DCC: variants seen among roughly 807,000 people sequenced by gnomAD.
DCC encodes the protein DCC netrin 1 receptor.
A neutral mutation model predicts 172.5 loss-of-function variants in DCC; 58 were observed. The observed-to-expected ratio is 0.34, with a 90% CI of 0.27 to 0.42. The LOEUF is 0.42. Among genes scored for constraint, DCC ranks in the 10% least tolerant of loss-of-function variants. The pLI is 1.00. For synonymous variants in DCC, 709 were observed against 644.5 expected, an observed-to-expected ratio of 1.10 and a Z score of -1.52; for missense variants, 1,740 against 1,791.0, an observed-to-expected ratio of 0.97 and a Z score of 0.51.
intron 20 of DCC, among the ~76,000 whole-genome samples, chr18:53,414,501 A>G (rs1176041984): frequency 6.6e-6 from 1 of 152,164 alleles, no homozygotes; most frequent in Admixed American, 6.5e-5. Context: ...GCAGCTTTTT[A>G]CTTTTCAATT....
intron 10 of DCC, among the ~76,000 whole-genome samples, chr18:53,207,277 A>G (rs1179886888): frequency 2.0e-5 from 3 of 152,292 alleles, no homozygotes; most frequent in African/African-American, 4.8e-5. Context: ...AGCTGTGGGT[A>G]TATTTCAGCA....
At chr18:53,342,890 T>C (rs2057678275) in intron 15 of DCC, among the ~76,000 whole-genome samples, 1 of 148,398 alleles carries the variant, frequency 6.7e-6, no homozygotes, top group African/African-American at 2.4e-5. Flanking sequence ...TTATTTTAAA[T>C]AGAACTGTTT....
In DCC at chr18:52,824,102, C is replaced by A. The variant is rs532534550; in HGVS notation, c.412+71728C>A. 9.3e-4 allele frequency among the ~76,000 whole-genome samples: 141 copies of A among 152,272 alleles called. 1 individual carries two copies. Among genetic ancestry groups the A allele is most frequent in the African/African-American group, 3.3e-3 (136 of 41,546 alleles). ...TTGGTATCTTTCCATTTAAAAAGAC[C>A]TCCCTGGTTGACTTGATTTATTCTC... On this transcript the variant is annotated intron_variant, in intron 2 of 28. Transcript: ENST00000442544.
At chr18:52,678,793 C>G (rs975362167) in intron 1 of DCC, among the ~76,000 whole-genome samples, 11 of 152,120 alleles carry the variant, frequency 7.2e-5, no homozygotes, top group African/African-American at 2.7e-4. Context: ...TCATTATCCC[C>G]TTTCTGTTTC....
intron 1 of DCC, among the ~76,000 whole-genome samples, chr18:52,366,625 G>A (rs1984869847): frequency 6.6e-6 from 1 of 151,452 alleles, no homozygotes; most frequent in Non-Finnish European, 1.5e-5. Context: ...GAAACCTTGA[G>A]CTAAACACAG....
At chr18:53,365,332 A>G (rs1309802285) in intron 15 of DCC, among the ~76,000 whole-genome samples, 1 of 151,750 alleles carries the variant, frequency 6.6e-6, no homozygotes, top group Non-Finnish European at 1.5e-5. Flanking sequence ...ATTGTCGGAC[A>G]TTTGGGTTGG....
chr18:52,768,583 C>G (rs991743772), intron 2 of DCC, among the ~76,000 whole-genome samples: 11 of 152,176 alleles, frequency 7.2e-5, no homozygotes, highest in Non-Finnish European at 1.6e-4. Context: ...AGTCCCCTGT[C>G]TGTTTATTTC....
chr18:52,808,456 T>G (rs1273026199), intron 2 of DCC, among the ~76,000 whole-genome samples: 2 of 152,008 alleles, frequency 1.3e-5, no homozygotes, highest in Non-Finnish European at 2.9e-5. Context: ...TATCATAGAT[T>G]GAACTATAAA....
intron 7 of DCC, among the ~76,000 whole-genome samples, chr18:53,068,825 G>A (rs1035130945): frequency 8.7e-5 from 13 of 149,498 alleles, no homozygotes; most frequent in African/African-American, 3.2e-4. Context: ...GTGTTGCTGG[G>A]GACTGATTGC....
intron 1 of DCC, among the ~76,000 whole-genome samples, chr18:52,540,655 G>A (rs1050896302): frequency 2.6e-5 from 3 of 116,626 alleles, no homozygotes; most frequent in African/African-American, 3.3e-5. Context: ...CGCCCAAGCC[G>A]GAGTGCAGTG....
intron 1 of DCC, among the ~76,000 whole-genome samples, chr18:52,375,922 A>G (rs1985326008): frequency 6.6e-6 from 1 of 152,220 alleles, no homozygotes; most frequent in South Asian, 2.1e-4. Flanking sequence ...GACAAATGGT[A>G]AAGACTGGTA....
At chr18:52,819,551 G>A (rs2038365941) in intron 2 of DCC, among the ~76,000 whole-genome samples, 1 of 152,086 alleles carries the variant, frequency 6.6e-6, no homozygotes, top group Non-Finnish European at 1.5e-5. Flanking sequence ...CACTTTGTAT[G>A]GTGCAGTTTA....
chr18:52,901,991 A>G (rs1486256441), intron 2 of DCC, among the ~76,000 whole-genome samples: 1 of 152,214 alleles, frequency 6.6e-6, no homozygotes, highest in African/African-American at 2.4e-5. Flanking sequence ...CGACTAGGAA[A>G]AAGGGAGAGA....
intron 9 of DCC, among the ~76,000 whole-genome samples, chr18:53,195,876 G>C (rs552561668): frequency 6.6e-6 from 1 of 152,254 alleles, no homozygotes; most frequent in Admixed American, 6.5e-5. Flanking sequence ...GATTATATAT[G>C]ATATATTGTT....
intron 2 of DCC, among the ~76,000 whole-genome samples, chr18:52,784,934 G>GGAGA (rs59734988): frequency 0.048 from 6,814 of 141,502 alleles, 250 homozygotes; most frequent in South Asian, 0.17. Flanking sequence ...AGAGAAGGGG[G>GGAGA]GAGAGAGAGA....
chr18:52,371,193 A>G (rs532841895), intron 1 of DCC, among the ~76,000 whole-genome samples: 2 of 152,268 alleles, frequency 1.3e-5, no homozygotes, highest in Non-Finnish European at 2.9e-5. Context: ...ACTTCTTGAA[A>G]CTGGTATTTT....
chr18:53,520,372 G>A (rs1458537308), intron 27 of DCC, among the ~76,000 whole-genome samples: 1 of 152,018 alleles, frequency 6.6e-6, no homozygotes, highest in Non-Finnish European at 1.5e-5. Context: ...GTCCATACCA[G>A]CAGACTGATT....
chr18:52,410,093 C>A (rs1193848439), intron 1 of DCC, among the ~76,000 whole-genome samples: 1 of 152,116 alleles, frequency 6.6e-6, no homozygotes, highest in Non-Finnish European at 1.5e-5. Context: ...GGATACCTGA[C>A]AATGAGTTCT....
intron 9 of DCC, among the ~76,000 whole-genome samples, chr18:53,204,660 A>T (rs773766488): frequency 2.6e-5 from 4 of 152,214 alleles, no homozygotes; most frequent in Non-Finnish European, 4.4e-5. Flanking sequence ...GAGAAAATGT[A>T]ATACTAAAAA....
Sources: allele counts gnomAD v4.1 joint callset (sites outside exome capture counted in the v4.1 genomes callset), GRCh38; gene constraint gnomAD v4.1.1; transcripts MANE v1.5; gene names NCBI Gene and HGNC (gene_info 2026-07-23, HGNC 2026-07-21).